Variants in WIZ observed in about 807,000 individuals in gnomAD.
The protein encoded by WIZ is protein Wiz.
WIZ carries 25 observed loss-of-function variants against 140.2 expected under a neutral mutation model. The ratio of observed to expected loss-of-function variants is 0.18; its 90% CI spans 0.13 to 0.25. The LOEUF (loss-of-function observed/expected upper bound fraction) is 0.25, where lower values mean the gene tolerates loss of function less well. Ranked by LOEUF, WIZ falls within the 10% of genes least tolerant of loss-of-function variation. The pLI is 1.00. For missense variants in WIZ, 2,231 were observed against 2,632.6 expected, an observed-to-expected ratio of 0.85 and a Z score of 3.34; for synonymous variants, 1,125 against 1,154.3, an observed-to-expected ratio of 0.97 and a Z score of 0.51.
chr19:15,432,522 T>C (rs1163032017), intron 5 of WIZ: 30 of 229,500 alleles, frequency 1.3e-4, no homozygotes, highest in Middle Eastern at 4.2e-3. Context: ...GCGGTGGTGG[T>C]GGCGGCGGCG....
At position 15,448,440 on chromosome 19, in the gene WIZ, ACCT is replaced by A. The variant is rs372262246; in HGVS notation, c.-60-76_-60-74del. On this transcript the variant is annotated intron_variant, in intron 1 of 12. Transcript: ENST00000673675. ...CTGCCTCAGTTTCCCATCCCTCAAA[ACCT>A]CAGTCCTCAACTTTGCAGCTCACTG... The A allele has an allele frequency of 3.4e-6, 4 of 1,166,656 alleles. No homozygotes were observed. The African/African-American group carries it at 4.7e-5, about 14-fold the overall frequency. 72.3% of individuals were successfully genotyped at this position (1,166,656 alleles called of 1,614,324 possible).
At chr19:15,432,820 C>T (rs1018069216) in intron 5 of WIZ, among the ~76,000 whole-genome samples, 2 of 151,736 alleles carry the variant, frequency 1.3e-5, no homozygotes, top group Non-Finnish European at 2.9e-5. Flanking sequence ...AGGGCGCGCC[C>T]AGGTTGGCCT....
intron 1 of WIZ, 160 bp downstream of exon 1, chr19:15,449,638 C>G (rs1197539517): frequency 2.7e-5 from 4 of 149,200 alleles, no homozygotes; most frequent in African/African-American, 9.8e-5. Flanking sequence ...CCCCTCCCCC[C>G]ACCTGCACGG....
In WIZ at chr19:15,420,585, G is replaced by A. The variant is rs555017088; in HGVS notation, c.*2491C>T. 4.6e-5 allele frequency: 7 copies of A among 152,316 alleles called. No individual in the cohort carries two copies. The highest frequency in any genetic ancestry group is 3.4e-3 in the Middle Eastern group (1 of 294). 9.4% of individuals were successfully genotyped at this position (152,316 alleles called of 1,614,324 possible). On this transcript the variant is annotated 3_prime_UTR_variant, in exon 13 of 13. Coordinates refer to ENST00000673675, the MANE Select transcript of WIZ (RefSeq NM_001371589.1). ...CACATCCAACACCCTCAGAGACCAC[G>A]GCTCAAAAGCTGAGACTTTGCTGCC...
chr19:15,432,502 G>T (rs1196821210), intron 5 of WIZ: 3 of 974,850 alleles, frequency 3.1e-6, no homozygotes, highest in Non-Finnish European at 3.6e-6. Flanking sequence ...CCGCGGCGGC[G>T]GTGGCGGTGG....
chr19:15,425,294 T>C lies in WIZ; in HGVS notation c.4841A>G (p.Gln1614Arg), dbSNP rs1199408330. The change falls in exon 10 of 13, where the codon CAG becomes CGG. Residue 1614 changes from glutamine (Q) to arginine (R), a missense_variant. By Grantham distance (43) the Gln-to-Arg change is conservative. Transcript: ENST00000673675. ...CTTTGCCTTGAAGGGCAGTTCAGTC[T>C]GGATGTAGGTCTTGGCCTTGACCTC... ...PAEVKAKTYI[Q>R]TELPFKAKTL... 3 of 1,591,094 alleles carry C rather than the reference T, an allele frequency of 1.9e-6. No homozygotes were observed. Among genetic ancestry groups the C allele is most frequent in the Non-Finnish European group, 2.6e-6 (3 of 1,169,408 alleles).
At chr19:15,429,089 C>G (rs1309759553) in intron 7 of WIZ, among the ~76,000 whole-genome samples, 5 of 152,174 alleles carry the variant, frequency 3.3e-5, no homozygotes, top group Non-Finnish European at 7.3e-5. Context: ...CACAGGCAGC[C>G]CAGGAGGTGG....
chr19:15,424,126 T>C lies in WIZ; in HGVS notation c.5510+57A>G. The C allele has an allele frequency of 7.1e-7, 1 of 1,413,762 alleles. No homozygotes were observed. The allele number at this position is 1,413,762 out of a possible 1,614,324, so 87.6% of individuals were successfully genotyped here. A position where few individuals can be genotyped will look rare whatever the true frequency, so the allele number is the denominator to read the frequency against. ...ACCAAACCCTATCCTGTTCCAAGGCTCCGGGTGACCAAGGTCCACTCAGGT... is the reference window on the plus strand; with the variant it reads ...ACCAAACCCTATCCTGTTCCAAGGCCCCGGGTGACCAAGGTCCACTCAGGT... On this transcript the variant is annotated intron_variant, in intron 12 of 12. Coordinates refer to ENST00000673675, the MANE Select transcript of WIZ (RefSeq NM_001371589.1). This position sits in a 1 kb window ranked among gnomAD's most constrained non-coding sequence, Gnocchi z 9.7.
chr19:15,433,347 T>G (rs973448045), intron 5 of WIZ: 42 of 985,176 alleles, frequency 4.3e-5, no homozygotes, highest in Non-Finnish European at 4.9e-5. Flanking sequence ...AATCGGAACA[T>G]TGCCCCGCCC....
chr19:15,440,356 G>T lies in WIZ; in HGVS notation c.638C>A (p.Ala213Asp), dbSNP rs751690140. ...LDLPAQPPPL[A>D]PFRRVFVPVE... ...TGGCACAAACACCCTCCTGAAGGGG[G>T]CGAGGGGTGGCGGCTGGGCAGGCAG... Residue 213 changes from alanine (A) to aspartate (D), a missense_variant, in exon 4 of 13, where the codon GCC becomes GAC. Transcript: ENST00000673675. This position sits in a 1 kb window ranked among gnomAD's most constrained non-coding sequence, Gnocchi z 6.2. 10 of 1,530,496 alleles carry T rather than the reference G, an allele frequency of 6.5e-6. No homozygotes were observed. The highest frequency in any genetic ancestry group is 1.4e-5 in the African/African-American group (1 of 72,936). 94.8% of individuals were successfully genotyped at this position (1,530,496 alleles called of 1,614,324 possible).
Position 15,439,827 on chromosome 19 carries a change from C to T in WIZ, c.1167G>A (p.Lys389=), listed in dbSNP as rs1370606495. Residue 389 remains lysine, a synonymous_variant, in exon 4 of 13, where the codon AAG becomes AAA. Coordinates refer to ENST00000673675, the MANE Select transcript of WIZ (RefSeq NM_001371589.1). This position sits in a 1 kb window ranked among gnomAD's most constrained non-coding sequence, Gnocchi z 7.0. The part of the protein sequence containing the change: ...EKIIEEIQKL[K]QVPGDEGREA... ...CCCGGCCCTCGTCTCCTGGAACTTG[C>T]TTCAGCTTTTGGATCTCCTCAATGA... 3.3e-6 allele frequency: 5 copies of T among 1,528,626 alleles called. No homozygotes were observed. Among genetic ancestry groups the T allele is most frequent in the East Asian group, 2.4e-5 (1 of 40,822 alleles). 94.7% of individuals were successfully genotyped at this position (1,528,626 alleles called of 1,614,324 possible).
At chr19:15,449,247 A>ACCGGGGCGGGG (rs1356542996) in intron 1 of WIZ, among the ~76,000 whole-genome samples, 1 of 151,768 alleles carries the variant, frequency 6.6e-6, no homozygotes, top group Non-Finnish European at 1.5e-5. Context: ...GGCCCAGGCA[A>ACCGGGGCGGGG]CCGGGGCGGG....
chr19:15,440,336 C>A lies in WIZ; in HGVS notation c.658G>T (p.Val220Leu). The A allele has an allele frequency of 6.6e-7, 1 of 1,525,234 alleles. No individual in the cohort carries two copies. Among genetic ancestry groups the A allele is most frequent in the Non-Finnish European group, 8.8e-7 (1 of 1,139,804 alleles). 94.5% of individuals were successfully genotyped at this position (1,525,234 alleles called of 1,614,324 possible). A position where few individuals can be genotyped will look rare whatever the true frequency, so the allele number is the denominator to read the frequency against. ...GTCTTCGGGGTGTCTTCCACTGGCA[C>A]AAACACCCTCCTGAAGGGGGCGAGG... ...PPLAPFRRVF[V>L]PVEDTPKTLD... Residue 220 changes from valine (V) to leucine (L), a missense_variant, in exon 4 of 13, where the codon GTG (valine) becomes TTG (leucine). This residue lies in a region of WIZ where 307 missense variants were observed against 294.1 expected (regional missense o/e 1.04). Coordinates refer to ENST00000673675, the MANE Select transcript of WIZ (RefSeq NM_001371589.1). This position sits in a 1 kb window ranked among gnomAD's most constrained non-coding sequence, Gnocchi z 6.2.
intron 2 of WIZ, among the ~76,000 whole-genome samples, chr19:15,445,388 A>T (rs1167094646): frequency 6.6e-6 from 1 of 152,238 alleles, no homozygotes; most frequent in Non-Finnish European, 1.5e-5. Flanking sequence ...CCACCGACCC[A>T]GTCTCGCAGG....
intron 12 of WIZ, 60 bp from the exon 13 acceptor site, chr19:15,423,295 C>A: frequency 6.3e-7 from 1 of 1,578,058 alleles, no homozygotes; most frequent in Non-Finnish European, 8.6e-7. Context: ...GGAAGCATAG[C>A]CTTGCCAGCA....
At chr19:15,430,952 G>A (rs1969194170) in intron 6 of WIZ, 60 bp downstream of exon 6, 2 of 1,463,174 alleles carry the variant, frequency 1.4e-6, no homozygotes, top group Admixed American at 2.3e-5. Flanking sequence ...GCACGAGAGT[G>A]CTCCTGTGAG....
chr19:15,430,851 C>T (rs1270896526), intron 6 of WIZ, among the ~76,000 whole-genome samples, 161 bp downstream of exon 6: 2 of 152,234 alleles, frequency 1.3e-5, no homozygotes, highest in Non-Finnish European at 2.9e-5. Flanking sequence ...AGTAGAAGTT[C>T]AAGAGAGAAG....
chr19:15,425,420 A>T lies in WIZ; in HGVS notation c.4715T>A (p.Leu1572His). 1.9e-6 allele frequency: 3 copies of T among 1,560,872 alleles called. No homozygotes were observed. The highest frequency in any genetic ancestry group is 2.6e-6 in the Non-Finnish European group (3 of 1,152,476). ...GGCCCCAGTGATGGGCGTCAGGCTG[A>T]GCTCACGAGGAACCTGGGCCGGCCC... The part of the protein sequence containing the change: ...GAGPAQVPRE[L>H]SLTPITGAKP... Residue 1572 changes from leucine (L) to histidine (H), a missense_variant, in exon 10 of 13, where the codon CTC becomes CAC. Around this residue, in one of 15 missense-constraint regions of WIZ, gnomAD observed 393 missense variants for 451.7 expected, o/e 0.87. Coordinates refer to ENST00000673675, the MANE Select transcript of WIZ (RefSeq NM_001371589.1).
chr19:15,438,967 T>C lies in WIZ; in HGVS notation c.2027A>G (p.Gln676Arg), dbSNP rs1849170167. Residue 676 changes from glutamine (Q) to arginine (R), a missense_variant, in exon 4 of 13, where the codon CAG becomes CGG. Physicochemically the swap from Gln to Arg is conservative, Grantham distance 43 (BLOSUM62 1). Transcript: ENST00000673675. ...QAVEATQGQQQQLRGMVPIVL... is the reference protein window; with the variant it reads ...QAVEATQGQQRQLRGMVPIVL... ...AATGGGTACCATCCCTCGGAGCTGC[T>C]GCTGCTGCCCCTGGGTGGCCTCTAC... The C allele has an allele frequency of 6.9e-7, 1 of 1,454,568 alleles. No homozygotes were observed. Among genetic ancestry groups the C allele is most frequent in the Non-Finnish European group, 9.0e-7 (1 of 1,106,792 alleles). 90.1% of individuals were successfully genotyped at this position (1,454,568 alleles called of 1,614,324 possible). A position where few individuals can be genotyped will look rare whatever the true frequency, so the allele number is the denominator to read the frequency against.
Sources: allele counts gnomAD v4.1 joint callset (sites outside exome capture counted in the v4.1 genomes callset), GRCh38; gene constraint gnomAD v4.1.1; regional missense constraint gnomAD v4.1.1; non-coding constraint Gnocchi (gnomAD v3.1); transcripts MANE v1.5; gene names NCBI Gene and HGNC (gene_info 2026-07-23, HGNC 2026-07-21).